The following SHISA9 variants were observed in gnomAD, a reference collection of about 807,000 sequenced individuals.
SHISA9 encodes shisa family member 9, also known as protein shisa-9.
SHISA9 carries 13 observed loss-of-function variants against 38.0 expected under a neutral mutation model. That is an observed-to-expected ratio of 0.34 (90% confidence interval 0.22 to 0.54). SHISA9 has a LOEUF of 0.54. Among genes scored for constraint, SHISA9 ranks in the 20% least tolerant of loss-of-function variants. The probability of loss-of-function intolerance (pLI) is 0.91; values close to 1 mark genes in which losing one functional copy is unlikely to be tolerated. For synonymous variants in SHISA9, 275 were observed against 242.0 expected, an observed-to-expected ratio of 1.14 and a Z score of -1.27; for missense variants, 538 against 575.8, an observed-to-expected ratio of 0.93 and a Z score of 0.67.
intron 4 of SHISA9, among the ~76,000 whole-genome samples, chr16:13,224,940 C>T (rs752468297): frequency 3.9e-5 from 6 of 152,076 alleles, no homozygotes; most frequent in Non-Finnish European, 7.3e-5. Context: ...GAATAGTACC[C>T]CCCTAAATCC....
intron 2 of SHISA9, among the ~76,000 whole-genome samples, chr16:13,148,920 T>C (rs1018759980): frequency 1.3e-5 from 2 of 152,158 alleles, no homozygotes; most frequent in Non-Finnish European, 2.9e-5. Flanking sequence ...CCTTATTCCA[T>C]GCTCAAGCAG....
At chr16:12,956,873 A>T (rs2071842674) in intron 2 of SHISA9, among the ~76,000 whole-genome samples, 1 of 152,174 alleles carries the variant, frequency 6.6e-6, no homozygotes, top group South Asian at 2.1e-4. Flanking sequence ...AAAAATGTGT[A>T]TTTGTGCATT....
chr16:12,998,239 G>T (rs1022326168), intron 2 of SHISA9, among the ~76,000 whole-genome samples: 2 of 152,204 alleles, frequency 1.3e-5, no homozygotes, highest in African/African-American at 4.8e-5. Context: ...AGCCTGGAAG[G>T]TCCATGCATT....
chr16:13,430,189 G>A, the SHISA9 span, among the ~76,000 whole-genome samples: 1 of 152,162 alleles, frequency 6.6e-6, no homozygotes, highest in Non-Finnish European at 1.5e-5. Flanking sequence ...AAACAAATTT[G>A]TGTTGTTTCA....
At chr16:13,173,503 T>A (rs1484126430) in intron 2 of SHISA9, among the ~76,000 whole-genome samples, 1 of 152,142 alleles carries the variant, frequency 6.6e-6, no homozygotes, top group Admixed American at 6.5e-5. Flanking sequence ...GGACACTGTT[T>A]CTGCCCGCGT....
chr16:13,033,850 A>T (rs1313293718), intron 2 of SHISA9, among the ~76,000 whole-genome samples: 1 of 152,238 alleles, frequency 6.6e-6, no homozygotes, highest in Non-Finnish European at 1.5e-5. Flanking sequence ...AAGCTTATTA[A>T]GATACCTCCA....
chr16:13,211,971 T>TGGG lies in SHISA9; in HGVS notation c.848-1282_848-1281insGGG, dbSNP rs1385018680. Among the ~76,000 whole-genome samples the TGGG allele has an allele frequency of 5.3e-5, 8 of 152,282 alleles. No individual in the cohort carries two copies. In the East Asian group the frequency reaches 1.4e-3, roughly 26 times the overall value. The stretch of plus-strand genomic sequence containing the variant: ...GGGTGGGCCCGACTCAGTTTTAACT[T>TGGG]CCTCACTCTTCTCTCTTCTGTTGCT... On this transcript the variant is annotated intron_variant, in intron 3 of 4. Transcript: ENST00000558583.
At chr16:12,945,092 A>T (rs958816098) in intron 2 of SHISA9, among the ~76,000 whole-genome samples, 1 of 152,156 alleles carries the variant, frequency 6.6e-6, no homozygotes, top group South Asian at 2.1e-4. Flanking sequence ...TTCCAGGGGC[A>T]TTGACACTCT....
the SHISA9 span, among the ~76,000 whole-genome samples, chr16:13,455,095 AAT>A: frequency 1.3e-5 from 2 of 152,122 alleles, no homozygotes; most frequent in African/African-American, 2.4e-5. Context: ...AGTATGCCCA[AAT>A]ATATATAACC....
At chr16:12,943,400 G>A (rs1475131097) in intron 2 of SHISA9, among the ~76,000 whole-genome samples, 1 of 135,200 alleles carries the variant, frequency 7.4e-6, no homozygotes, top group Non-Finnish European at 1.6e-5. Context: ...AGATCCTCAG[G>A]GGAGATCTTC....
chr16:13,334,432 A>T, the SHISA9 span, among the ~76,000 whole-genome samples: 1 of 152,138 alleles, frequency 6.6e-6, no homozygotes, highest in Admixed American at 6.5e-5. Flanking sequence ...TCTCCTCTGT[A>T]GAATTGGGGC....
At chr16:13,114,759 A>C (rs2074014283) in intron 2 of SHISA9, among the ~76,000 whole-genome samples, 1 of 152,028 alleles carries the variant, frequency 6.6e-6, no homozygotes. Context: ...ATATAGATTT[A>C]TGTGTCCATA....
At chr16:13,212,388 T>A (rs1234669810) in intron 3 of SHISA9, among the ~76,000 whole-genome samples, 1 of 152,170 alleles carries the variant, frequency 6.6e-6, no homozygotes, top group Admixed American at 6.5e-5. Flanking sequence ...TTGGGTTGGG[T>A]ATAGCCTTGG....
At chr16:13,426,227 GTTTTATATGTGTTA>G in the SHISA9 span, among the ~76,000 whole-genome samples, 1 of 152,168 alleles carries the variant, frequency 6.6e-6, no homozygotes, top group Non-Finnish European at 1.5e-5. Context: ...CTTGCGAAGT[GTTTTATATGTGTTA>G]TCTCATTTAA....
At chr16:12,927,560 G>C (rs1325706769) in intron 2 of SHISA9, among the ~76,000 whole-genome samples, 1 of 151,746 alleles carries the variant, frequency 6.6e-6, no homozygotes, top group African/African-American at 2.4e-5. Context: ...AATCATGTCA[G>C]CTAATTTTTT....
At chr16:13,491,818 CTTTTTTT>C in the SHISA9 span, among the ~76,000 whole-genome samples, 1 of 44,506 alleles carries the variant, frequency 2.2e-5, no homozygotes, top group African/African-American at 1.0e-4. Context: ...ATTTATTGAC[CTTTTTTT>C]TTTTTTTTTT....
At chr16:13,391,255 A>G in the SHISA9 span, among the ~76,000 whole-genome samples, 10 of 152,202 alleles carry the variant, frequency 6.6e-5, no homozygotes, top group African/African-American at 2.2e-4. Flanking sequence ...TGTACTAAAT[A>G]TAAGTCTATT....
the SHISA9 span, among the ~76,000 whole-genome samples, chr16:13,502,914 C>T: frequency 2.0e-5 from 3 of 151,834 alleles, no homozygotes; most frequent in African/African-American, 4.8e-5. Context: ...TAAAATAAAT[C>T]TACTGGGAAA....
At chr16:13,303,827 C>A in the SHISA9 span, among the ~76,000 whole-genome samples, 2 of 152,158 alleles carry the variant, frequency 1.3e-5, no homozygotes, top group African/African-American at 4.8e-5. Context: ...TGACGTAGTG[C>A]AGGTAGAACC....
Sources: allele counts gnomAD v4.1 joint callset (sites outside exome capture counted in the v4.1 genomes callset), GRCh38; gene constraint gnomAD v4.1.1; transcripts MANE v1.5; gene names NCBI Gene and HGNC (gene_info 2026-07-23, HGNC 2026-07-21).